The following MRPL28 variants were observed in gnomAD, a reference collection of about 807,000 sequenced individuals.
The protein encoded by MRPL28 is large ribosomal subunit protein bL28m.
MRPL28 carries 25 observed loss-of-function variants against 26.2 expected under a neutral mutation model. The ratio of observed to expected loss-of-function variants is 0.95; its 90% CI spans 0.69 to 1.33. MRPL28 has a LOEUF of 1.33. Ranked by LOEUF, MRPL28 falls within the 40% of genes most tolerant of loss-of-function variation. The probability of loss-of-function intolerance (pLI) is 0.00; values close to 1 mark genes in which losing one functional copy is unlikely to be tolerated. For synonymous variants in MRPL28, 227 were observed against 140.1 expected, an observed-to-expected ratio of 1.62 and a Z score of -4.38; for missense variants, 432 against 327.2, an observed-to-expected ratio of 1.32 and a Z score of -2.47.
rs1346179527 is a variant in MRPL28, at chr16:366,997, C to T, written c.*678G>A. Reference sequence around the variant, plus strand: ...TTGAGGCAGGTGGGTCACCTGAGGTCAGGAGTTCAAGCCCAGCCTGGCCAA... The same window carrying T: ...TTGAGGCAGGTGGGTCACCTGAGGTTAGGAGTTCAAGCCCAGCCTGGCCAA... On this transcript the variant is annotated 3_prime_UTR_variant, in exon 6 of 6. Transcript: ENST00000199706. Among the ~76,000 whole-genome samples, 1 of 152,182 alleles carries T rather than the reference C, an allele frequency of 6.6e-6. No individual in the cohort carries two copies. The highest frequency in any genetic ancestry group is 1.5e-5 in the Non-Finnish European group (1 of 68,034).
At position 367,291 on chromosome 16, in the gene MRPL28, A is replaced by G; in HGVS notation, c.*384T>C. The G allele has an allele frequency of 1.7e-6, 1 of 593,534 alleles. No individual in the cohort carries two copies. The highest frequency in any genetic ancestry group is 3.1e-6 in the Non-Finnish European group (1 of 321,616). 36.8% of individuals were successfully genotyped at this position (593,534 alleles called of 1,614,324 possible). A position where few individuals can be genotyped will look rare whatever the true frequency, so the allele number is the denominator to read the frequency against. On this transcript the variant is annotated 3_prime_UTR_variant, in exon 6 of 6. Coordinates refer to ENST00000199706, the MANE Select transcript of MRPL28 (RefSeq NM_006428.5). ...CGGGGGACGGGCACAGCCAGAGTCA[A>G]TGCCCACGGCTCATCCGAGGTCTCA...
chr16:368,170 G>A (rs184611161), intron 5 of MRPL28, among the ~76,000 whole-genome samples, 158 bp downstream of exon 5: 1 of 152,308 alleles, frequency 6.6e-6, no homozygotes, highest in East Asian at 1.9e-4. Flanking sequence ...GAGGGAGCGG[G>A]CCATGCTCCT....
chr16:369,179 A>G lies in MRPL28; in HGVS notation c.330T>C (p.Phe110=). ...GGATCTCACTGTAGAACTCTCGCTC[A>G]AACAGCTGTGGCTTCCACACTTTCT... ...RLKKVWKPQL[F]EREFYSEILD... is the part of the protein sequence containing the mutation. The change falls in exon 3 of 6, where the codon TTT becomes TTC. Residue 110 remains phenylalanine (F), a synonymous_variant. Transcript: ENST00000199706. 2 of 1,614,028 alleles carry G rather than the reference A, an allele frequency of 1.2e-6. No homozygotes were observed. The highest frequency in any genetic ancestry group is 1.7e-6 in the Non-Finnish European group (2 of 1,179,946).
intron 3 of MRPL28, 60 bp downstream of exon 3, chr16:369,008 C>T (rs1402324507): frequency 1.8e-5 from 29 of 1,574,286 alleles, no homozygotes; most frequent in East Asian, 1.4e-4. Context: ...CTGGGGCTCC[C>T]GTGAGTCTGA....
At chr16:369,307 C>CCG (rs1031588899) in intron 2 of MRPL28, 87 bp from the exon 3 acceptor site, 12 of 1,508,374 alleles carry the variant, frequency 8.0e-6, no homozygotes, top group Non-Finnish European at 1.1e-5. Flanking sequence ...ACCTCCCCCC[C>CCG]GGAGGCTCCA....
In MRPL28 at chr16:367,474, G is replaced by A. The variant is rs933585961; in HGVS notation, c.*201C>T. 2.8e-6 allele frequency: 2 copies of A among 716,584 alleles called. No individual in the cohort carries two copies. The highest frequency in any genetic ancestry group is 2.7e-5 in the East Asian group (1 of 37,186). The allele number at this position is 716,584 out of a possible 1,614,324, so 44.4% of individuals were successfully genotyped here. A position where few individuals can be genotyped will look rare whatever the true frequency, so the allele number is the denominator to read the frequency against. On this transcript the variant is annotated 3_prime_UTR_variant, in exon 6 of 6. Coordinates refer to ENST00000199706, the MANE Select transcript of MRPL28 (RefSeq NM_006428.5). ...GCAAACGTCGGGGCCCAGCCTGAGAGGAGCCTCTGGGCGGCCCAGGCCTCC... is the reference window on the plus strand; with the variant it reads ...GCAAACGTCGGGGCCCAGCCTGAGAAGAGCCTCTGGGCGGCCCAGGCCTCC...
chr16:368,781 T>G (rs1443868207), intron 3 of MRPL28, 146 bp from the exon 4 acceptor site: 1 of 1,281,726 alleles, frequency 7.8e-7, no homozygotes, highest in Non-Finnish European at 1.1e-6. Context: ...CACCCCAGCC[T>G]GGGGGGTGGG....
In MRPL28 at chr16:370,147, C is replaced by A; in HGVS notation, c.72G>T (p.Leu24=). 1 of 1,602,274 alleles carries A rather than the reference C, an allele frequency of 6.2e-7. No individual in the cohort carries two copies. Among genetic ancestry groups the A allele is most frequent in the East Asian group, 2.3e-5 (1 of 44,428 alleles). The part of the protein sequence containing the change: ...LQLREGICSR[L]PGHYLRSLEE... ...CCAGGGAGCGCAGGTAGTGGCCGGG[C>A]AGGCGGGAACAGATGCCCTCCCGCA... Residue 24 remains leucine (L), a synonymous_variant, in exon 2 of 6, where the codon CTG becomes CTT. Coordinates refer to ENST00000199706, the MANE Select transcript of MRPL28 (RefSeq NM_006428.5).
Position 369,936 on chromosome 16 carries a change from C to T in MRPL28, c.283G>A (p.Asp95Asn). 6.2e-7 allele frequency: 1 copy of T among 1,609,322 alleles called. No individual in the cohort carries two copies. Among genetic ancestry groups the T allele is most frequent in the South Asian group, 1.1e-5 (1 of 90,974 alleles). ...WILGQIYANN[D>N]KLSKRLKKVW... is the part of the protein sequence containing the mutation. The stretch of plus-strand genomic sequence containing the variant: ...AAGGCCGCCTGCGGACCCACCTTGT[C>T]GTTGTTGGCATATATTTGGCCCAGG... Residue 95 changes from aspartate (D) to asparagine (N), a missense_variant, in exon 2 of 6, where the codon GAC becomes AAC. By Grantham distance (23) the Asp-to-Asn change is conservative. Transcript: ENST00000199706.
In MRPL28 at chr16:367,252, T is replaced by G. The variant is rs1254471670; in HGVS notation, c.*423A>C. 1.8e-5 allele frequency: 10 copies of G among 558,626 alleles called. No individual in the cohort carries two copies. The highest frequency in any genetic ancestry group is 3.3e-5 in the Non-Finnish European group (10 of 305,006). The allele number at this position is 558,626 out of a possible 1,614,324, so 34.6% of individuals were successfully genotyped here. On this transcript the variant is annotated 3_prime_UTR_variant, in exon 6 of 6. Coordinates refer to ENST00000199706, the MANE Select transcript of MRPL28 (RefSeq NM_006428.5). Reference sequence around the variant, plus strand: ...CACAAAACACAGAATTGAACCTCGCTCTCTGCAGCTCACCGGGGGACGGGC... The same window carrying G: ...CACAAAACACAGAATTGAACCTCGCGCTCTGCAGCTCACCGGGGGACGGGC...
rs374593104 is a variant in MRPL28, at chr16:369,916, C to T, written c.288+15G>A. 14 of 1,598,872 alleles carry T rather than the reference C, an allele frequency of 8.8e-6. No homozygotes were observed. Among genetic ancestry groups the T allele is most frequent in the Middle Eastern group, 3.3e-4 (2 of 6,036 alleles). On this transcript the variant is annotated intron_variant, in intron 2 of 5. Transcript: ENST00000199706. Reference sequence around the variant, plus strand: ...AGCCCTGAGAGGAGCCCCTGAAGGCCGCCTGCGGACCCACCTTGTCGTTGT... The same window carrying T: ...AGCCCTGAGAGGAGCCCCTGAAGGCTGCCTGCGGACCCACCTTGTCGTTGT...
intron 2 of MRPL28, chr16:369,520 C>T: frequency 1.6e-6 from 1 of 615,466 alleles, no homozygotes; most frequent in Non-Finnish European, 3.0e-6. Flanking sequence ...CAGGTTGTCA[C>T]ATTCCAACCT....
At position 370,050 on chromosome 16, in the gene MRPL28, C is replaced by A. The variant is rs370838377; in HGVS notation, c.169G>T (p.Gly57Trp). 1 of 1,613,098 alleles carries A rather than the reference C, an allele frequency of 6.2e-7. No individual in the cohort carries two copies. Among genetic ancestry groups the A allele is most frequent in the South Asian group, 1.1e-5 (1 of 91,052 alleles). Residue 57 changes from glycine to tryptophan, a missense_variant, in exon 2 of 6, where the codon GGG becomes TGG. Physicochemically the swap from Gly to Trp is radical, Grantham distance 184. Coordinates refer to ENST00000199706, the MANE Select transcript of MRPL28 (RefSeq NM_006428.5). ...GAKFKINPKN[G>W]QRERVEDVPI... ...ACGTCCTCCACACGCTCCCGCTGCC[C>A]GTTCTTGGGGTTGATCTTGAACTTG...
chr16:369,413 A>G, intron 2 of MRPL28, 193 bp from the exon 3 acceptor site: 3 of 671,084 alleles, frequency 4.5e-6, no homozygotes, highest in Admixed American at 5.4e-5. Context: ...CTGACTGTGT[A>G]CCCAGAAGTC....
In MRPL28 at chr16:369,213, T is replaced by C; in HGVS notation, c.296A>G (p.Lys99Arg). Residue 99 changes from lysine (K) to arginine (R), a missense_variant, in exon 3 of 6, where the codon AAG becomes AGG. Coordinates refer to ENST00000199706, the MANE Select transcript of MRPL28 (RefSeq NM_006428.5). ...QIYANNDKLS[K>R]RLKKVWKPQL... is the part of the protein sequence containing the mutation. Reference sequence around the variant, plus strand: ...TGGCTTCCACACTTTCTTCAGCCTCTTGGAGAGCTGAGGGTGCAACAGAGC... The same window carrying C: ...TGGCTTCCACACTTTCTTCAGCCTCCTGGAGAGCTGAGGGTGCAACAGAGC... 1 of 1,613,902 alleles carries C rather than the reference T, an allele frequency of 6.2e-7. No homozygotes were observed. The highest frequency in any genetic ancestry group is 8.5e-7 in the Non-Finnish European group (1 of 1,179,894).
rs923765810 is a variant in MRPL28 at position 367,415 on chromosome 16, C to T, written c.*260G>A. The T allele has an allele frequency of 1.6e-4, 111 of 709,988 alleles. No individual in the cohort carries two copies. The highest frequency in any genetic ancestry group is 1.2e-3 in the East Asian group (44 of 37,080). The allele number at this position is 709,988 out of a possible 1,614,324, so 44.0% of individuals were successfully genotyped here. A position where few individuals can be genotyped will look rare whatever the true frequency, so the allele number is the denominator to read the frequency against. ...CACACAGCCTGGCCCAGACTTTACT[C>T]GCTCCCGGCCCCACGGGCACAAGGA... On this transcript the variant is annotated 3_prime_UTR_variant, in exon 6 of 6. Coordinates refer to ENST00000199706, the MANE Select transcript of MRPL28 (RefSeq NM_006428.5).
chr16:368,950 C>G lies in MRPL28; in HGVS notation c.441+118G>C, dbSNP rs533522977. 3 of 1,308,074 alleles carry G rather than the reference C, an allele frequency of 2.3e-6. No individual in the cohort carries two copies. The South Asian group carries it at 4.4e-5, about 19-fold the overall frequency. 81.0% of individuals were successfully genotyped at this position (1,308,074 alleles called of 1,614,324 possible). On this transcript the variant is annotated intron_variant, in intron 3 of 5. Coordinates refer to ENST00000199706, the MANE Select transcript of MRPL28 (RefSeq NM_006428.5). ...GGGCATGGCCCCACTCACGCTTTCC[C>G]AGTGACCCTCCTGTGCAGATGTCAG...
At chr16:369,351 G>C in intron 2 of MRPL28, 131 bp from the exon 3 acceptor site, 1 of 1,231,808 alleles carries the variant, frequency 8.1e-7, no homozygotes, top group Non-Finnish European at 1.1e-6. Flanking sequence ...TGGGGACCTA[G>C]AGCTAACTGG....
chr16:369,863 G>C, intron 2 of MRPL28, 68 bp downstream of exon 2: 1 of 1,544,674 alleles, frequency 6.5e-7, no homozygotes, highest in Non-Finnish European at 8.7e-7. Context: ...AGGTACCCCG[G>C]GCGTCCGGCA....
Sources: allele counts gnomAD v4.1 joint callset (sites outside exome capture counted in the v4.1 genomes callset), GRCh38; gene constraint gnomAD v4.1.1; transcripts MANE v1.5; gene names NCBI Gene and HGNC (gene_info 2026-07-23, HGNC 2026-07-21).